The following WTIP variants were observed in gnomAD, a reference collection of about 807,000 sequenced individuals.
WTIP encodes Wilms tumor protein 1-interacting protein.
A neutral mutation model predicts 41.7 loss-of-function variants in WTIP; 23 were observed. The observed-to-expected ratio is 0.55, with a 90% CI of 0.40 to 0.78. The LOEUF (loss-of-function observed/expected upper bound fraction) is 0.78. Among genes scored for constraint, WTIP ranks in the 30% least tolerant of loss-of-function variants. The pLI is 0.00. For missense variants in WTIP, 619 were observed against 610.5 expected (o/e 1.01, Z -0.15); for synonymous variants, 314 against 269.9 (o/e 1.16, Z -1.60).
At chr19:34,495,035 G>A (rs892919636) in intron 6 of WTIP, among the ~76,000 whole-genome samples, 1 of 152,214 alleles carries the variant, frequency 6.6e-6, no homozygotes, top group Non-Finnish European at 1.5e-5. Context: ...TTCCCACAGT[G>A]CTGGCTCTGT....
intron 2 of WTIP, 53 bp from the exon 3 acceptor site, chr19:34,492,984 C>T: frequency 6.3e-7 from 1 of 1,594,170 alleles, no homozygotes; most frequent in South Asian, 1.1e-5. Flanking sequence ...AAGCACGGCT[C>T]CATCCCTGGT....
chr19:34,486,549 G>A (rs994342936), intron 1 of WTIP, among the ~76,000 whole-genome samples: 9 of 151,984 alleles, frequency 5.9e-5, no homozygotes, highest in South Asian at 2.1e-4. Context: ...TTGTATTTTT[G>A]GTAGAGACAG....
chr19:34,497,708 G>A (rs1188396188), intron 7 of WTIP, among the ~76,000 whole-genome samples: 1 of 152,210 alleles, frequency 6.6e-6, no homozygotes, highest in Non-Finnish European at 1.5e-5. Flanking sequence ...GGATCCCTTG[G>A]GTGACAAGGT....
At position 34,482,267 on chromosome 19, in the gene WTIP, G is replaced by A. The variant is rs1287742960; in HGVS notation, c.293G>A (p.Gly98Asp). ...CGGGCCAGCCTGGCGGGGTCCGACG[G>A]CGGCGGCGGTGGCGGCAGCGCCCGA... ...SPRASLAGSDGGGGGGSARSS... is the reference protein window; with the variant it reads ...SPRASLAGSDDGGGGGSARSS... The change falls in exon 1 of 8, where the codon GGC (glycine) becomes GAC (aspartate). Residue 98 changes from glycine to aspartate, a missense_variant. By Grantham distance (94) the Gly-to-Asp change is moderately conservative. Around this residue, in one of 3 missense-constraint regions of WTIP, gnomAD observed 363 missense variants for 309.0 expected, o/e 1.17. Coordinates refer to ENST00000590071, the MANE Select transcript of WTIP (RefSeq NM_001080436.2). The A allele has an allele frequency of 1.5e-6, 2 of 1,296,094 alleles. No individual in the cohort carries two copies. The highest frequency in any genetic ancestry group is 3.8e-5 in the East Asian group (1 of 26,626). 80.3% of individuals were successfully genotyped at this position (1,296,094 alleles called of 1,614,324 possible). A position where few individuals can be genotyped will look rare whatever the true frequency, so the allele number is the denominator to read the frequency against.
intron 7 of WTIP, among the ~76,000 whole-genome samples, chr19:34,498,183 AC>A (rs1327690863): frequency 1.3e-5 from 2 of 152,086 alleles, no homozygotes; most frequent in Non-Finnish European, 2.9e-5. Flanking sequence ...GCTCTGGGTA[AC>A]GGGTCAAAGC....
chr19:34,490,291 G>A, intron 1 of WTIP, 85 bp from the exon 2 acceptor site: 2 of 1,286,312 alleles, frequency 1.6e-6, no homozygotes, highest in Non-Finnish European at 2.2e-6. Context: ...GGTCAAGCGG[G>A]TGGGCGGTGT....
intron 1 of WTIP, 117 bp downstream of exon 1, chr19:34,482,758 A>G (rs1306781902): frequency 4.2e-6 from 5 of 1,200,372 alleles, no homozygotes; most frequent in Non-Finnish European, 3.1e-6. Context: ...CTGGGGGTGC[A>G]GCAGTGCACG....
chr19:34,486,513 G>A (rs1459103507), intron 1 of WTIP, among the ~76,000 whole-genome samples: 1 of 151,850 alleles, frequency 6.6e-6, no homozygotes, highest in Non-Finnish European at 1.5e-5. Flanking sequence ...GATTAGAGGT[G>A]CCCACCACCA....
At position 34,482,505 on chromosome 19, in the gene WTIP, G is replaced by A. The variant is rs1313652162; in HGVS notation, c.531G>A (p.Pro177=). The A allele has an allele frequency of 3.2e-5, 39 of 1,235,182 alleles. No individual in the cohort carries two copies. Among genetic ancestry groups the A allele is most frequent in the Non-Finnish European group, 3.9e-5 (39 of 991,890 alleles). 76.5% of individuals were successfully genotyped at this position (1,235,182 alleles called of 1,614,324 possible). The part of the protein sequence containing the change: ...APARSPEPAG[P]APFPLPALPL... ...CTCGCTCCCCGGAGCCTGCGGGGCC[G>A]GCTCCCTTCCCGCTGCCTGCACTCC... Residue 177 remains proline, a synonymous_variant, in exon 1 of 8, where the codon CCG becomes CCA. Coordinates refer to ENST00000590071, the MANE Select transcript of WTIP (RefSeq NM_001080436.2).
At chr19:34,488,332 C>T (rs563290305) in intron 1 of WTIP, among the ~76,000 whole-genome samples, 2 of 152,174 alleles carry the variant, frequency 1.3e-5, no homozygotes, top group African/African-American at 4.8e-5. Flanking sequence ...CCTCGGCCTC[C>T]CAAAGTGCTG....
intron 1 of WTIP, among the ~76,000 whole-genome samples, chr19:34,487,075 T>G (rs2075801465): frequency 6.7e-6 from 1 of 149,346 alleles, no homozygotes; most frequent in Non-Finnish European, 1.5e-5. Flanking sequence ...ATTACAGGCA[T>G]GAGCCACCAA....
At chr19:34,492,342 T>G (rs2075829658) in intron 2 of WTIP, among the ~76,000 whole-genome samples, 1 of 148,804 alleles carries the variant, frequency 6.7e-6, no homozygotes, top group Non-Finnish European at 1.5e-5. Flanking sequence ...CTTGAACTCC[T>G]GGGCTCAAGC....
rs757632837 is a variant in WTIP, at chr19:34,493,282, C to T, written c.857C>T (p.Thr286Met). 51 of 1,613,506 alleles carry T rather than the reference C, an allele frequency of 3.2e-5. No homozygotes were observed. Among genetic ancestry groups the T allele is most frequent in the South Asian group, 4.4e-5 (4 of 91,042 alleles). ...TCCCAGTACTCCGGGTTCCAGCAGA[C>T]GGCCGACAAATGCAGCGTGTGTGGA... ...EDFLYSGFQQTADKCSVCGHL... is the reference protein window; with the variant it reads ...EDFLYSGFQQMADKCSVCGHL... Residue 286 changes from threonine to methionine, a missense_variant, in exon 4 of 8, where the codon ACG becomes ATG. Thr to Met is a moderately conservative substitution (Grantham distance 81). Around this residue, in one of 3 missense-constraint regions of WTIP, gnomAD observed 164 missense variants for 219.1 expected, o/e 0.75. Coordinates refer to ENST00000590071, the MANE Select transcript of WTIP (RefSeq NM_001080436.2). The surrounding 1 kb of genome is among the most constrained non-coding windows in gnomAD (Gnocchi z 4.1).
chr19:34,502,327 C>T lies in WTIP; in HGVS notation c.*2058C>T, dbSNP rs2145614241. The T allele has an allele frequency of 1.3e-5, 2 of 149,658 alleles. No individual in the cohort carries two copies. Among genetic ancestry groups the T allele is most frequent in the Non-Finnish European group, 2.9e-5 (2 of 67,896 alleles). 9.3% of individuals were successfully genotyped at this position (149,658 alleles called of 1,614,324 possible). ...CTGGAGTGCGTTGGCACAATCTGGG[C>T]CTACTGCAACCTCTGCCTCCAGGGT... On this transcript the variant is annotated 3_prime_UTR_variant, in exon 8 of 8. Coordinates refer to ENST00000590071, the MANE Select transcript of WTIP (RefSeq NM_001080436.2).
Position 34,510,497 on chromosome 19 carries a change from T to G in WTIP, c.*10228T>G, listed in dbSNP as rs2075929053. 1 of 152,250 alleles carries G rather than the reference T, an allele frequency of 6.6e-6. No homozygotes were observed. The highest frequency in any genetic ancestry group is 1.5e-5 in the Non-Finnish European group (1 of 68,064). The allele number at this position is 152,250 out of a possible 1,614,324, so 9.4% of individuals were successfully genotyped here. On this transcript the variant is annotated 3_prime_UTR_variant, in exon 8 of 8. Coordinates refer to ENST00000590071, the MANE Select transcript of WTIP (RefSeq NM_001080436.2). ...AAACCATTTTTTGCTCCTAGGCTTC[T>G]GGGTCTGTGATGGGAAGACCAATGA... is the stretch of plus-strand genomic sequence containing the variant.
chr19:34,493,095 G>A lies in WTIP; in HGVS notation c.828G>A (p.Glu276=). 1 of 1,613,940 alleles carries A rather than the reference G, an allele frequency of 6.2e-7. No homozygotes were observed. Among genetic ancestry groups the A allele is most frequent in the South Asian group, 1.1e-5 (1 of 91,078 alleles). The change falls in exon 3 of 8, where the codon GAG becomes GAA. Residue 276 remains glutamate (E), a synonymous_variant. Coordinates refer to ENST00000590071, the MANE Select transcript of WTIP (RefSeq NM_001080436.2). The surrounding 1 kb of genome is among the most constrained non-coding windows in gnomAD (Gnocchi z 4.1). ...YNVGEKVYCQ[E]DFLYSGFQQT... Reference sequence around the variant, plus strand: ...TGGGTGAGAAAGTGTACTGCCAGGAGGACTTCCTGGTGAGTCCAAGCTGTG... The same window carrying A: ...TGGGTGAGAAAGTGTACTGCCAGGAAGACTTCCTGGTGAGTCCAAGCTGTG...
intron 2 of WTIP, among the ~76,000 whole-genome samples, chr19:34,491,943 C>A (rs1599956640): frequency 6.6e-6 from 1 of 152,068 alleles, no homozygotes; most frequent in East Asian, 1.9e-4. Flanking sequence ...CGCGCCTGGC[C>A]CTATCTTGCC....
At chr19:34,489,768 C>T (rs1029198691) in intron 1 of WTIP, among the ~76,000 whole-genome samples, 3 of 152,136 alleles carry the variant, frequency 2.0e-5, no homozygotes, top group Non-Finnish European at 4.4e-5. Context: ...AATACCCTGT[C>T]TCTACAAAAG....
Position 34,500,191 on chromosome 19 carries a change from A to G in WTIP, c.1215A>G (p.Leu405=), listed in dbSNP as rs1423634445. The G allele has an allele frequency of 3.7e-6, 6 of 1,604,276 alleles. No individual in the cohort carries two copies. The South Asian group carries it at 4.4e-5, about 12-fold the overall frequency. The change falls in exon 8 of 8, where the codon CTA becomes CTG. Residue 405 remains leucine (L), a synonymous_variant. Transcript: ENST00000590071. ...GRRCYPLAGH[L]LCRRCHLRRL... ...GTTGCTATCCCCTGGCGGGCCACCT[A>G]CTGTGTCGTCGTTGCCACCTGCGGC...
Sources: allele counts gnomAD v4.1 joint callset (sites outside exome capture counted in the v4.1 genomes callset), GRCh38; gene constraint gnomAD v4.1.1; regional missense constraint gnomAD v4.1.1; non-coding constraint Gnocchi (gnomAD v3.1); transcripts MANE v1.5; gene names NCBI Gene and HGNC (gene_info 2026-07-23, HGNC 2026-07-21).